The following NBAS variants were observed in gnomAD, a reference collection of about 807,000 sequenced individuals.
The protein encoded by NBAS is NAG/BC035112 fusion.
In NBAS, 219 loss-of-function variants were observed where a neutral mutation model predicts 302.5. The observed-to-expected ratio is 0.72, with a 90% CI of 0.65 to 0.81. The LOEUF is 0.81. NBAS is among the 30% of genes least tolerant of loss of function. The probability of loss-of-function intolerance (pLI) is 0.00; values close to 1 mark genes in which losing one functional copy is unlikely to be tolerated. For synonymous variants in NBAS, 1,118 were observed against 1,021.6 expected, an observed-to-expected ratio of 1.09 and a Z score of -1.80; for missense variants, 2,932 against 2,841.6, an observed-to-expected ratio of 1.03 and a Z score of -0.72.
chr2:14,848,301 C>G, the NBAS span, among the ~76,000 whole-genome samples: 1 of 140,054 alleles, frequency 7.1e-6, no homozygotes, highest in Non-Finnish European at 1.5e-5. Flanking sequence ...CTTTCCGAGT[C>G]AAAGAAAGGG....
chr2:15,558,820 G>A (rs1004769887), intron 1 of NBAS, among the ~76,000 whole-genome samples, 186 bp from the exon 2 acceptor site: 5 of 152,078 alleles, frequency 3.3e-5, no homozygotes, highest in African/African-American at 1.2e-4. Flanking sequence ...TGTAATCTCA[G>A]CACTTTGGGA....
At chr2:15,520,428 T>A (rs2148660955) in intron 9 of NBAS, among the ~76,000 whole-genome samples, 1 of 152,034 alleles carries the variant, frequency 6.6e-6, no homozygotes, top group East Asian at 1.9e-4. Context: ...TACGAAAAAA[T>A]CTACGAAGTT....
At chr2:15,144,046 A>ATATATATATATTATCCT in the NBAS span, among the ~76,000 whole-genome samples, 1 of 104,578 alleles carries the variant, frequency 9.6e-6, no homozygotes, top group East Asian at 4.3e-4. Flanking sequence ...CCTATATATA[A>ATATATATATATTATCCT]AAATATATAT....
At chr2:14,848,098 C>CT in the NBAS span, among the ~76,000 whole-genome samples, 631 of 152,208 alleles carry the variant, frequency 4.1e-3, 5 homozygotes, top group African/African-American at 0.014. Context: ...ATAGGAACAG[C>CT]TCCAGTCTAC....
At chr2:15,372,617 T>C (rs946971964) in intron 31 of NBAS, among the ~76,000 whole-genome samples, 5 of 152,206 alleles carry the variant, frequency 3.3e-5, no homozygotes, top group Non-Finnish European at 7.3e-5. Flanking sequence ...CAATATTCCA[T>C]CTTCACATCC....
chr2:15,514,406 CACA>C (rs1269792675), intron 9 of NBAS, among the ~76,000 whole-genome samples: 2 of 152,124 alleles, frequency 1.3e-5, no homozygotes, highest in Non-Finnish European at 2.9e-5. Flanking sequence ...AGAATTTAAT[CACA>C]ACGTTTTTTC....
intron 9 of NBAS, among the ~76,000 whole-genome samples, chr2:15,522,837 A>C (rs1558409889): frequency 6.6e-6 from 1 of 152,268 alleles, no homozygotes; most frequent in Non-Finnish European, 1.5e-5. Context: ...CTTATTGATA[A>C]CAAAAACAGT....
chr2:15,532,969 G>A (rs1371002194), intron 9 of NBAS, among the ~76,000 whole-genome samples: 1 of 152,050 alleles, frequency 6.6e-6, no homozygotes, highest in Non-Finnish European at 1.5e-5. Flanking sequence ...AACAAAACCA[G>A]CATTTCATAG....
chr2:15,536,629 T>C, intron 7 of NBAS, 78 bp from the exon 8 acceptor site: 2 of 1,149,058 alleles, frequency 1.7e-6, no homozygotes, highest in Non-Finnish European at 2.6e-6. Context: ...TTAGAGAATA[T>C]CTGATACACT....
chr2:15,397,473 C>T (rs1465695551), intron 26 of NBAS: 5 of 514,492 alleles, frequency 9.7e-6, no homozygotes, highest in Non-Finnish European at 1.8e-5. Flanking sequence ...GCAGCACCCG[C>T]AGGTCAAAAT....
the NBAS span, among the ~76,000 whole-genome samples, chr2:14,887,599 C>G: frequency 3.9e-5 from 6 of 151,998 alleles, no homozygotes; most frequent in Non-Finnish European, 7.4e-5. Context: ...CTGCCTCATT[C>G]CCAACACCTA....
the NBAS span, among the ~76,000 whole-genome samples, chr2:15,034,006 GAAGAAGAAGAAGAAGAAGAA>G: frequency 1.3e-4 from 6 of 46,544 alleles, no homozygotes; most frequent in East Asian, 2.6e-3. Context: ...AGAAGAAGAA[GAAGAAGAAGAAGAAGAAGAA>G]GAGGAGGAGG....
chr2:15,155,494 C>T, the NBAS span, among the ~76,000 whole-genome samples: 3 of 152,190 alleles, frequency 2.0e-5, no homozygotes, highest in Admixed American at 2.0e-4. Context: ...AAGACCACCA[C>T]CCTTGCAGCT....
chr2:15,270,599 A>C (rs1160614124), intron 44 of NBAS, among the ~76,000 whole-genome samples: 1 of 152,244 alleles, frequency 6.6e-6, no homozygotes, highest in Non-Finnish European at 1.5e-5. Context: ...ATCTATAATT[A>C]TTTAATCAAC....
At chr2:15,288,532 C>T (rs1042571557) in intron 41 of NBAS, among the ~76,000 whole-genome samples, 8 of 152,176 alleles carry the variant, frequency 5.3e-5, no homozygotes, top group Admixed American at 5.2e-4. Context: ...GCGTCTCATT[C>T]TCCAGGCAAT....
At chr2:14,781,380 C>T in the NBAS span, among the ~76,000 whole-genome samples, 8 of 151,902 alleles carry the variant, frequency 5.3e-5, no homozygotes, top group African/African-American at 7.3e-5. Context: ...CTTTTAATGA[C>T]GGTTTTATGC....
the NBAS span, among the ~76,000 whole-genome samples, chr2:15,078,759 A>T: frequency 6.6e-6 from 1 of 152,370 alleles, no homozygotes; most frequent in East Asian, 1.9e-4. Flanking sequence ...ATATAAAAAC[A>T]GACATAAAAA....
the NBAS span, among the ~76,000 whole-genome samples, chr2:15,158,281 T>C: frequency 6.6e-6 from 1 of 152,088 alleles, no homozygotes; most frequent in Non-Finnish European, 1.5e-5. Flanking sequence ...CCTGCAGGTG[T>C]TCCTGAAAGT....
the NBAS span, among the ~76,000 whole-genome samples, chr2:15,030,557 G>C: frequency 7.2e-5 from 11 of 152,142 alleles, no homozygotes; most frequent in African/African-American, 2.4e-4. Context: ...GAGCAGGTGT[G>C]GGCACCTCTC....
Sources: allele counts gnomAD v4.1 joint callset (sites outside exome capture counted in the v4.1 genomes callset), GRCh38; gene constraint gnomAD v4.1.1; transcripts MANE v1.5; gene names NCBI Gene and HGNC (gene_info 2026-07-23, HGNC 2026-07-21).